Variants in DCAF4 observed in about 807,000 individuals in gnomAD.
The protein encoded by DCAF4 is DDB1 and CUL4 associated factor 4, also known as DDB1- and CUL4-associated factor 4.
In DCAF4, 37 loss-of-function variants were observed where a neutral mutation model predicts 60.9. The ratio of observed to expected loss-of-function variants is 0.61; its 90% CI spans 0.47 to 0.80. The LOEUF is 0.80. Ranked by LOEUF, DCAF4 falls within the 30% of genes least tolerant of loss-of-function variation. The probability of loss-of-function intolerance (pLI) is 0.00; values close to 1 mark genes in which losing one functional copy is unlikely to be tolerated. For missense variants in DCAF4, 577 were observed against 650.0 expected (o/e 0.89, Z 1.22); for synonymous variants, 243 against 254.8 (o/e 0.95, Z 0.44).
intron 12 of DCAF4, among the ~76,000 whole-genome samples, 170 bp from the exon 13 acceptor site, chr14:72,956,216 C>T (rs1462692047): frequency 2.0e-5 from 3 of 152,080 alleles, no homozygotes; most frequent in Non-Finnish European, 2.9e-5. Flanking sequence ...CCACCGTGCC[C>T]GGCCTGGTTA....
chr14:72,929,863 T>A, intron 1 of DCAF4: 1 of 1,477,804 alleles, frequency 6.8e-7, no homozygotes, highest in South Asian at 1.2e-5. Flanking sequence ...GTGCCTGGGC[T>A]TGCTCACGTT....
chr14:72,943,567 C>A (rs1034566657), intron 6 of DCAF4, among the ~76,000 whole-genome samples: 2 of 152,140 alleles, frequency 1.3e-5, no homozygotes, highest in Middle Eastern at 3.2e-3. Context: ...CCCATCAACA[C>A]ACCTCCATTA....
At chr14:72,945,841 G>A (rs1340800354) in intron 6 of DCAF4, 43 bp from the exon 7 acceptor site, 1 of 1,612,752 alleles carries the variant, frequency 6.2e-7, no homozygotes, top group South Asian at 1.1e-5. Context: ...AGTCCACCAG[G>A]CGCAGCCTGG....
intron 1 of DCAF4, among the ~76,000 whole-genome samples, chr14:72,928,585 T>TTTTATG (rs1283241933): frequency 6.3e-5 from 1 of 15,938 alleles, no homozygotes; most frequent in East Asian, 0.012. Flanking sequence ...TAAACATCCT[T>TTTTATG]TATATATATA....
chr14:72,956,335 C>T (rs892723962), intron 12 of DCAF4, 51 bp from the exon 13 acceptor site: 2 of 1,454,836 alleles, frequency 1.4e-6, no homozygotes, highest in African/African-American at 2.8e-5. Context: ...TTGGGGACCA[C>T]CATGGTACCC....
rs1890676433 is a variant in DCAF4 at position 72,945,914 on chromosome 14, G to A, written c.565G>A (p.Val189Met). ...ADTNSDRLFT[V>M]NDVKVGGSKY... The stretch of plus-strand genomic sequence containing the variant: ...TACCAACAGTGACCGGCTCTTCACA[G>A]TGAACGATGTTAAAGTTGGAGGCTC... The change falls in exon 7 of 14, where the codon GTG (valine) becomes ATG (methionine). Residue 189 changes from valine to methionine, a missense_variant. Transcript: ENST00000358377. 6.2e-7 allele frequency: 1 copy of A among 1,614,210 alleles called. No individual in the cohort carries two copies. The highest frequency in any genetic ancestry group is 8.5e-7 in the Non-Finnish European group (1 of 1,180,028).
chr14:72,945,330 T>TTA (rs1890587047), intron 6 of DCAF4, among the ~76,000 whole-genome samples: 1 of 151,814 alleles, frequency 6.6e-6, no homozygotes, highest in African/African-American at 2.4e-5. Context: ...GAGTTCAGGG[T>TTA]TATCATAAGC....
intron 8 of DCAF4, 136 bp downstream of exon 8, chr14:72,947,327 G>GA: frequency 7.5e-5 from 77 of 1,033,454 alleles, no homozygotes; most frequent in Non-Finnish European, 8.8e-5. Context: ...TCACGCTTTA[G>GA]AAAAAAAAGC....
intron 2 of DCAF4, among the ~76,000 whole-genome samples, chr14:72,939,113 G>T (rs574437424): frequency 6.6e-5 from 10 of 152,128 alleles, no homozygotes; most frequent in African/African-American, 2.4e-4. Flanking sequence ...CAGCACTTTG[G>T]GAGACCAAGG....
intron 2 of DCAF4, 50 bp from the exon 3 acceptor site, chr14:72,939,752 G>T (rs755294704): frequency 6.7e-5 from 103 of 1,528,544 alleles, no homozygotes; most frequent in East Asian, 1.9e-4. Flanking sequence ...CGTCAGAATG[G>T]CTGGAACTCA....
intron 9 of DCAF4, among the ~76,000 whole-genome samples, chr14:72,953,721 AAAAAAAAAAAAATAT>A (rs1171926705): frequency 3.8e-5 from 2 of 52,862 alleles, no homozygotes; most frequent in Non-Finnish European, 6.7e-5. Context: ...AAAAAAAAAA[AAAAAAAAAAAAATAT>A]ATATATATAT....
intron 1 of DCAF4, among the ~76,000 whole-genome samples, chr14:72,928,114 T>A (rs1887882118): frequency 2.0e-5 from 3 of 150,356 alleles, no homozygotes; most frequent in South Asian, 4.2e-4. Context: ...GAAGCTACTT[T>A]GTATTCAGCT....
chr14:72,930,261 G>C (rs1888380777), intron 1 of DCAF4, among the ~76,000 whole-genome samples: 1 of 142,180 alleles, frequency 7.0e-6, no homozygotes, highest in East Asian at 2.0e-4. Context: ...TTTTTTTTGA[G>C]ACGGAGTTTT....
At chr14:72,954,126 A>G in intron 9 of DCAF4, 38 bp from the exon 10 acceptor site, 1 of 1,610,786 alleles carries the variant, frequency 6.2e-7, no homozygotes, top group South Asian at 1.1e-5. Flanking sequence ...CCTGCCTAGA[A>G]GGCAGCCACA....
intron 1 of DCAF4, chr14:72,934,973 A>C (rs1316830950): frequency 6.6e-6 from 1 of 152,242 alleles, no homozygotes; most frequent in Non-Finnish European, 1.5e-5. Context: ...CAACTAGGTC[A>C]TGGATGCTAG....
intron 7 of DCAF4, among the ~76,000 whole-genome samples, chr14:72,946,298 G>C (rs969163882): frequency 5.3e-5 from 8 of 152,132 alleles, no homozygotes; most frequent in Admixed American, 1.3e-4. Context: ...GGGGGCTCGG[G>C]GGGAGGTGAG....
At chr14:72,929,974 T>G in intron 1 of DCAF4, 1 of 718,022 alleles carries the variant, frequency 1.4e-6, no homozygotes, top group African/African-American at 1.8e-5. Flanking sequence ...GCCAAAAATA[T>G]TTTTTAAATT....
chr14:72,928,586 TA>T (rs371134763), intron 1 of DCAF4, among the ~76,000 whole-genome samples: 123,590 of 144,290 alleles, frequency 0.86, 51,511 homozygotes, highest in East Asian at 0.96. Flanking sequence ...AAACATCCTT[TA>T]TATATATATA....
In DCAF4 at chr14:72,955,658, G is replaced by A. The variant is rs1387421087; in HGVS notation, c.1141G>A (p.Asp381Asn). The stretch of plus-strand genomic sequence containing the variant: ...AGTGACCTCTGTGCGGATCCTCCAA[G>A]ATGAGCAATACCTGATGGCTTCAGA... The part of the protein sequence containing the change: ...SAVTSVRILQ[D>N]EQYLMASDMA... The change falls in exon 12 of 14, where the codon GAT becomes AAT. Residue 381 changes from aspartate to asparagine, a missense_variant. Asp to Asn is a conservative substitution (Grantham distance 23, BLOSUM62 1). Transcript: ENST00000358377. 3 of 1,614,168 alleles carry A rather than the reference G, an allele frequency of 1.9e-6. No homozygotes were observed. The highest frequency in any genetic ancestry group is 1.7e-6 in the Non-Finnish European group (2 of 1,180,024).
Sources: allele counts gnomAD v4.1 joint callset (sites outside exome capture counted in the v4.1 genomes callset), GRCh38; gene constraint gnomAD v4.1.1; transcripts MANE v1.5; gene names NCBI Gene and HGNC (gene_info 2026-07-23, HGNC 2026-07-21).